Variants in MYT1L observed in about 807,000 individuals in gnomAD.
MYT1L encodes myelin transcription factor 1 like.
In MYT1L, 12 loss-of-function variants were observed where a neutral mutation model predicts 126.7. That is an observed-to-expected ratio of 0.09 (90% confidence interval 0.06 to 0.15). The LOEUF (loss-of-function observed/expected upper bound fraction) is 0.15, where lower values mean the gene tolerates loss of function less well. Among genes scored for constraint, MYT1L ranks in the 10% least tolerant of loss-of-function variants. MYT1L has a pLI of 1.00. For missense variants in MYT1L, 979 were observed against 1,585.2 expected (o/e 0.62, Z 6.49); for synonymous variants, 541 against 604.2 (o/e 0.90, Z 1.53).
intron 2 of MYT1L, among the ~76,000 whole-genome samples, chr2:2,196,243 C>T (rs908650782): frequency 6.6e-6 from 1 of 150,956 alleles, no homozygotes; most frequent in Non-Finnish European, 1.5e-5. Flanking sequence ...AAGTGATTGC[C>T]TATGTGGGTG....
intron 9 of MYT1L, among the ~76,000 whole-genome samples, chr2:1,937,907 C>A (rs779461639): frequency 6.6e-6 from 1 of 151,972 alleles, no homozygotes; most frequent in Non-Finnish European, 1.5e-5. Flanking sequence ...GAACGCGATA[C>A]AGGAAGCCAG....
At chr2:1,918,044 C>T (rs934285533) in intron 10 of MYT1L, among the ~76,000 whole-genome samples, 8 of 152,058 alleles carry the variant, frequency 5.3e-5, no homozygotes, top group African/African-American at 1.9e-4. Flanking sequence ...TACTTGGAAC[C>T]AGAGGAAGGC....
chr2:2,246,338 A>G (rs2094535137), intron 2 of MYT1L, among the ~76,000 whole-genome samples: 4 of 152,192 alleles, frequency 2.6e-5, no homozygotes, highest in Admixed American at 2.6e-4. Flanking sequence ...CTCATCTTGC[A>G]TATTTATGCT....
intron 19 of MYT1L, among the ~76,000 whole-genome samples, chr2:1,851,023 C>A (rs1290894102): frequency 6.6e-6 from 1 of 152,160 alleles, no homozygotes; most frequent in Non-Finnish European, 1.5e-5. Context: ...ACCACAATTT[C>A]TTTCCATTCT....
chr2:1,944,173 T>C (rs1419548829), intron 8 of MYT1L, among the ~76,000 whole-genome samples: 1 of 152,122 alleles, frequency 6.6e-6, no homozygotes, highest in African/African-American at 2.4e-5. Context: ...TACATATGTA[T>C]ATGTGTGCCA....
intron 2 of MYT1L, among the ~76,000 whole-genome samples, chr2:2,247,014 G>A (rs1421611): frequency 0.013 from 1,909 of 152,198 alleles, 29 homozygotes; most frequent in African/African-American, 0.043. Flanking sequence ...GAAAAAATCA[G>A]TCTGTCAGGA....
At chr2:2,269,086 G>A (rs758264937) in intron 2 of MYT1L, among the ~76,000 whole-genome samples, 4 of 152,136 alleles carry the variant, frequency 2.6e-5, no homozygotes, top group Non-Finnish European at 4.4e-5. Context: ...ACCCAGGCCT[G>A]GGCTGGGGCT....
intron 2 of MYT1L, among the ~76,000 whole-genome samples, chr2:2,232,022 A>G (rs1471082859): frequency 4.6e-5 from 7 of 152,228 alleles, no homozygotes; most frequent in Non-Finnish European, 1.0e-4. Context: ...CCACTTAACA[A>G]TAAAGGAAAG....
chr2:2,236,246 G>A (rs2094299849), intron 2 of MYT1L, among the ~76,000 whole-genome samples: 1 of 129,074 alleles, frequency 7.7e-6, no homozygotes, highest in African/African-American at 3.0e-5. Context: ...ACCCAACCCA[G>A]TACATCCCAA....
chr2:1,952,848 CTTCCCTTACCTCCTTCT>C (rs796627179), intron 8 of MYT1L, among the ~76,000 whole-genome samples: 3 of 71,180 alleles, frequency 4.2e-5, no homozygotes, highest in Non-Finnish European at 7.9e-5. Context: ...TTACCTTTGC[CTTCCCTTACCTCCTTCT>C]TTCCCTTCCC....
At chr2:2,064,271 C>T (rs114842176) in intron 3 of MYT1L, among the ~76,000 whole-genome samples, 463 of 152,298 alleles carry the variant, frequency 3.0e-3, no homozygotes, top group African/African-American at 0.01. Flanking sequence ...TTGGAGCCAG[C>T]TCAAGACCTA....
intron 2 of MYT1L, among the ~76,000 whole-genome samples, chr2:2,270,228 G>A (rs2095235255): frequency 6.6e-6 from 1 of 152,216 alleles, no homozygotes; most frequent in Non-Finnish European, 1.5e-5. Flanking sequence ...CTGGACTTCG[G>A]AGCCTCCAGA....
chr2:2,076,974 G>A (rs2075297096), intron 3 of MYT1L, among the ~76,000 whole-genome samples: 1 of 152,108 alleles, frequency 6.6e-6, no homozygotes, highest in Non-Finnish European at 1.5e-5. Flanking sequence ...GCCTCACCAA[G>A]TAGAGGATTT....
At chr2:2,053,178 A>G (rs1468063612) in intron 4 of MYT1L, among the ~76,000 whole-genome samples, 1 of 152,206 alleles carries the variant, frequency 6.6e-6, no homozygotes, top group African/African-American at 2.4e-5. Context: ...GATACCGTAC[A>G]ATGCCACTCA....
At chr2:2,028,385 C>T (rs1271856134) in intron 4 of MYT1L, among the ~76,000 whole-genome samples, 1 of 152,106 alleles carries the variant, frequency 6.6e-6, no homozygotes, top group African/African-American at 2.4e-5. Flanking sequence ...ACTTTGGGGG[C>T]AGAATTGAAG....
intron 2 of MYT1L, among the ~76,000 whole-genome samples, chr2:2,276,321 C>A (rs1337387131): frequency 1.3e-5 from 2 of 152,200 alleles, no homozygotes; most frequent in Non-Finnish European, 2.9e-5. Flanking sequence ...CTCGCTCAAC[C>A]AGGACCATGA....
In MYT1L at chr2:1,903,205, T is replaced by C. The variant is rs200720795; in HGVS notation, c.1907A>G (p.Lys636Arg). ...GGTCTTGGAATATTTCTCGAGCTCC[T>C]TGGCCAGGTTGGAACGCGGCGTAGT... ...PTTTPRSNLA[K>R]ELEKYSKTSF... Residue 636 changes from lysine to arginine, a missense_variant, in exon 14 of 25, where the codon AAG becomes AGG. Around this residue, in one of 12 missense-constraint regions of MYT1L, gnomAD observed 82 missense variants for 177.2 expected, o/e 0.46. Coordinates refer to ENST00000647738, the MANE Select transcript of MYT1L (RefSeq NM_001303052.2). The C allele has an allele frequency of 2.5e-6, 4 of 1,614,012 alleles. No individual in the cohort carries two copies. In the East Asian group the frequency reaches 6.7e-5, roughly 27 times the overall value.
intron 2 of MYT1L, among the ~76,000 whole-genome samples, chr2:2,241,956 T>C (rs956389323): frequency 6.6e-5 from 10 of 152,032 alleles, no homozygotes; most frequent in East Asian, 1.9e-4. Context: ...CACACACACA[T>C]ATATATAGTA....
intron 3 of MYT1L, among the ~76,000 whole-genome samples, chr2:2,152,808 G>T (rs2086030215): frequency 6.6e-6 from 1 of 152,156 alleles, no homozygotes; most frequent in East Asian, 1.9e-4. Flanking sequence ...TATTAAACAA[G>T]CTATCTTAGT....
Sources: allele counts gnomAD v4.1 joint callset (sites outside exome capture counted in the v4.1 genomes callset), GRCh38; gene constraint gnomAD v4.1.1; regional missense constraint gnomAD v4.1.1; transcripts MANE v1.5; gene names NCBI Gene and HGNC (gene_info 2026-07-23, HGNC 2026-07-21).